FMN2: variants seen among roughly 807,000 people sequenced by gnomAD.
The protein encoded by FMN2 is formin 2.
Under a neutral mutation model 142.3 loss-of-function variants are expected in FMN2, and 51 were observed. The observed-to-expected ratio is 0.36, with a 90% CI of 0.29 to 0.45. FMN2 has a LOEUF of 0.45. Among genes scored for constraint, FMN2 ranks in the 20% least tolerant of loss-of-function variants. The pLI is 1.00. For synonymous variants in FMN2, 882 were observed against 869.8 expected (o/e 1.01, Z -0.25); for missense variants, 1,936 against 2,122.8 (o/e 0.91, Z 1.73).
intron 2 of FMN2, among the ~76,000 whole-genome samples, chr1:240,137,185 GT>G (rs376598868): frequency 6.8e-6 from 1 of 146,810 alleles, no homozygotes; most frequent in African/African-American, 2.5e-5. Context: ...CTTGTTTTTT[GT>G]TTTTTTTTAG....
At chr1:240,325,661 C>T (rs1185459752) in intron 8 of FMN2, among the ~76,000 whole-genome samples, 2 of 152,116 alleles carry the variant, frequency 1.3e-5, no homozygotes, top group African/African-American at 2.4e-5. Context: ...TTACTGAAAT[C>T]GAACAAGGCA....
At chr1:240,123,505 C>CAAAAAAAAA (rs71168901) in intron 2 of FMN2, among the ~76,000 whole-genome samples, 160 bp downstream of exon 2, 6 of 107,744 alleles carry the variant, frequency 5.6e-5, no homozygotes, top group African/African-American at 9.7e-5. Context: ...TGTTTGTACA[C>CAAAAAAAAA]AAAAAAAAAA....
chr1:240,371,773 G>A (rs529919663), intron 14 of FMN2, among the ~76,000 whole-genome samples: 4 of 152,286 alleles, frequency 2.6e-5, no homozygotes, highest in Non-Finnish European at 4.4e-5. Flanking sequence ...AGGGAAATAA[G>A]AGTTGAGTGT....
intron 6 of FMN2, among the ~76,000 whole-genome samples, chr1:240,238,965 G>T (rs908378024): frequency 1.5e-5 from 2 of 135,694 alleles, no homozygotes; most frequent in Non-Finnish European, 3.1e-5. Flanking sequence ...AGACTTTTGT[G>T]TGGGGGAGTA....
intron 6 of FMN2, among the ~76,000 whole-genome samples, chr1:240,231,539 G>T (rs1185985362): frequency 6.6e-6 from 1 of 152,182 alleles, no homozygotes; most frequent in Non-Finnish European, 1.5e-5. Context: ...TAACTAGGAG[G>T]AAAAGCACAG....
intron 13 of FMN2, among the ~76,000 whole-genome samples, chr1:240,342,004 C>T (rs1671760846): frequency 6.6e-6 from 1 of 152,164 alleles, no homozygotes. Flanking sequence ...AGTAGAGAGA[C>T]TGGTTCCTTT....
At chr1:240,347,699 C>T (rs980770984) in intron 13 of FMN2, among the ~76,000 whole-genome samples, 1 of 152,108 alleles carries the variant, frequency 6.6e-6, no homozygotes, top group Non-Finnish European at 1.5e-5. Context: ...TCTGTCTCTC[C>T]CCACTCTAAT....
At chr1:240,363,581 G>A (rs12760186) in intron 14 of FMN2, among the ~76,000 whole-genome samples, 6 of 152,068 alleles carry the variant, frequency 3.9e-5, no homozygotes, top group East Asian at 3.9e-4. Context: ...GTGTGCGTGC[G>A]TGTGCATGCA....
At chr1:240,201,126 AAAAT>A (rs1478987058) in intron 4 of FMN2, among the ~76,000 whole-genome samples, 1 of 152,142 alleles carries the variant, frequency 6.6e-6, no homozygotes, top group African/African-American at 2.4e-5. Context: ...AGTTGTTTAA[AAAAT>A]AAATAAAATA....
intron 2 of FMN2, chr1:240,170,190 G>A: frequency 2.5e-6 from 3 of 1,197,412 alleles, no homozygotes; most frequent in Non-Finnish European, 3.6e-6. Context: ...AGGTTATCAA[G>A]TGCAAGGCTG....
At chr1:240,229,154 G>C (rs1197486278) in intron 6 of FMN2, among the ~76,000 whole-genome samples, 1 of 152,102 alleles carries the variant, frequency 6.6e-6, no homozygotes, top group African/African-American at 2.4e-5. Context: ...TTTCATAAAA[G>C]TTTTGAAGAC....
In FMN2 at chr1:240,154,997, C is replaced by T. The variant is rs183129245; in HGVS notation, c.1783-22924C>T. Among the ~76,000 whole-genome samples the T allele has an allele frequency of 1.6e-3, 237 of 151,566 alleles. 1 individual carries two copies. The highest frequency in any genetic ancestry group is 5.4e-3 in the African/African-American group (221 of 41,282). ...AACCTTTCAGACTTAAGCAATCCCC[C>T]CCCCGACCTTGACCTCCTGAGTAGC... On this transcript the variant is annotated intron_variant, in intron 2 of 17. Transcript: ENST00000319653.
chr1:240,143,330 G>C, intron 2 of FMN2: 1 of 1,499,216 alleles, frequency 6.7e-7, no homozygotes, highest in East Asian at 2.3e-5. Flanking sequence ...GCCCTCCGGA[G>C]TGCAGGCTCC....
At chr1:240,188,426 C>G (rs527783946) in intron 4 of FMN2, among the ~76,000 whole-genome samples, 164 bp downstream of exon 4, 1 of 152,292 alleles carries the variant, frequency 6.6e-6, no homozygotes, top group African/African-American at 2.4e-5. Context: ...ATGTTTTCTT[C>G]CATTTATTTT....
rs533298409 is a variant in FMN2 at position 240,119,150 on chromosome 1, A to T, written c.1616-4029A>T. Among the ~76,000 whole-genome samples the T allele has an allele frequency of 2.8e-4, 43 of 152,144 alleles. 1 individual carries two copies. Among genetic ancestry groups the T allele is most frequent in the Admixed American group, 2.4e-3 (36 of 15,300 alleles). On this transcript the variant is annotated intron_variant, in intron 1 of 17. Transcript: ENST00000319653. ...CGAGACCAGCCTGGCCAACATGGTG[A>T]AATCTCCTCTCTACTAAAGATACAA...
intron 2 of FMN2, among the ~76,000 whole-genome samples, chr1:240,139,521 ATACT>A (rs148901529): frequency 0.019 from 2,950 of 152,320 alleles, 95 homozygotes; most frequent in African/African-American, 0.068. Context: ...GTATAGATAA[ATACT>A]TACCCAATAA....
At chr1:240,447,328 T>A (rs1194310358) in intron 16 of FMN2, among the ~76,000 whole-genome samples, 3 of 152,072 alleles carry the variant, frequency 2.0e-5, no homozygotes, top group Non-Finnish European at 4.4e-5. Flanking sequence ...GAATATATAT[T>A]TCAATATAGG....
intron 15 of FMN2, among the ~76,000 whole-genome samples, chr1:240,418,145 T>C (rs1429011785): frequency 6.6e-6 from 1 of 152,018 alleles, no homozygotes; most frequent in Non-Finnish European, 1.5e-5. Flanking sequence ...TATTTTGATA[T>C]TCAATCTGAT....
At chr1:240,278,321 GA>G (rs1669286648) in intron 7 of FMN2, among the ~76,000 whole-genome samples, 1 of 152,148 alleles carries the variant, frequency 6.6e-6, no homozygotes, top group South Asian at 2.1e-4. Flanking sequence ...ACAAAGACAT[GA>G]CGTGACTCTT....
Sources: gnomAD v4.1 joint callset for allele counts (sites outside exome capture counted in the v4.1 genomes callset) on GRCh38, gnomAD v4.1.1 for gene constraint, MANE v1.5 for transcripts, NCBI Gene and HGNC (gene_info 2026-07-23, HGNC 2026-07-21) for gene names.